Variants in ZMIZ1 observed in about 807,000 individuals in gnomAD.
The protein encoded by ZMIZ1 is zinc finger MIZ domain-containing protein 1.
A neutral mutation model predicts 113.9 loss-of-function variants in ZMIZ1; 17 were observed. The ratio of observed to expected loss-of-function variants is 0.15; its 90% CI spans 0.10 to 0.22. The LOEUF (loss-of-function observed/expected upper bound fraction) is 0.22. Ranked by LOEUF, ZMIZ1 falls within the 10% of genes least tolerant of loss-of-function variation. ZMIZ1 has a pLI of 1.00. For synonymous variants in ZMIZ1, 607 were observed against 603.1 expected (o/e 1.01, Z -0.09); for missense variants, 1,059 against 1,477.8 (o/e 0.72, Z 4.65).
chr10:79,253,014 G>T (rs924435141), intron 7 of ZMIZ1, among the ~76,000 whole-genome samples: 2 of 152,290 alleles, frequency 1.3e-5, no homozygotes, highest in Admixed American at 6.5e-5. Flanking sequence ...GCACTGTGGG[G>T]AAGGTGAAAA....
At chr10:79,254,615 G>A (rs1850762483) in intron 7 of ZMIZ1, among the ~76,000 whole-genome samples, 1 of 152,246 alleles carries the variant, frequency 6.6e-6, no homozygotes, top group South Asian at 2.1e-4. Context: ...CACCCCTCAG[G>A]CAGGTCTGGG....
chr10:79,223,822 C>T (rs966380631), intron 7 of ZMIZ1, among the ~76,000 whole-genome samples: 9 of 152,170 alleles, frequency 5.9e-5, no homozygotes, highest in Non-Finnish European at 1.2e-4. Context: ...CCCTGGCCTC[C>T]GTCCCCTCCC....
At chr10:79,277,395 T>C in intron 8 of ZMIZ1, 70 bp downstream of exon 8, 1 of 1,491,532 alleles carries the variant, frequency 6.7e-7, no homozygotes, top group Non-Finnish European at 8.9e-7. Context: ...TCCTTGGACA[T>C]GTCCCTGGGG....
chr10:79,274,883 G>A (rs1322660336), intron 7 of ZMIZ1, among the ~76,000 whole-genome samples: 2 of 152,216 alleles, frequency 1.3e-5, no homozygotes, highest in African/African-American at 4.8e-5. Flanking sequence ...TGACATTGGA[G>A]GAAAGCCCTG....
rs1212634505 is a variant in ZMIZ1, at chr10:79,314,516, G to A, written c.*1767G>A. ...CGTTGTCGAGGTTTTTTCAAATAGC[G>A]TGTTGTTCAGTATGCAAATCAATTA... On this transcript the variant is annotated 3_prime_UTR_variant, in exon 25 of 25. Coordinates refer to ENST00000334512, the MANE Select transcript of ZMIZ1 (RefSeq NM_020338.4). 1.2e-5 allele frequency: 4 copies of A among 324,346 alleles called. No homozygotes were observed. Among genetic ancestry groups the A allele is most frequent in the Admixed American group, 4.6e-5 (1 of 21,736 alleles). The allele number at this position is 324,346 out of a possible 1,614,324, so 20.1% of individuals were successfully genotyped here. A position where few individuals can be genotyped will look rare whatever the true frequency, so the allele number is the denominator to read the frequency against.
At chr10:79,232,171 C>A (rs1849420537) in intron 7 of ZMIZ1, among the ~76,000 whole-genome samples, 1 of 152,206 alleles carries the variant, frequency 6.6e-6, no homozygotes, top group Non-Finnish European at 1.5e-5. Context: ...TCGTTTGGTG[C>A]TGTCTGCGTT....
At chr10:79,120,466 G>T (rs1339673714) in intron 2 of ZMIZ1, among the ~76,000 whole-genome samples, 1 of 152,214 alleles carries the variant, frequency 6.6e-6, no homozygotes, top group Non-Finnish European at 1.5e-5. Flanking sequence ...AGCAGCTCCT[G>T]GGAGGCTCTG....
intron 7 of ZMIZ1, among the ~76,000 whole-genome samples, chr10:79,237,287 A>G (rs1564541620): frequency 6.6e-6 from 1 of 152,222 alleles, no homozygotes; most frequent in Admixed American, 6.5e-5. Flanking sequence ...AAGGACTTGC[A>G]TTTTACACCA....
intron 23 of ZMIZ1, among the ~76,000 whole-genome samples, chr10:79,308,545 G>T (rs933627644): frequency 1.3e-5 from 2 of 152,164 alleles, no homozygotes; most frequent in African/African-American, 4.8e-5. Context: ...ACAGGAAGGA[G>T]CCTCTGGATT....
intron 1 of ZMIZ1, among the ~76,000 whole-genome samples, chr10:79,073,226 C>T (rs1248644311): frequency 2.0e-5 from 3 of 152,192 alleles, no homozygotes; most frequent in African/African-American, 4.8e-5. Flanking sequence ...AGAACTCCTC[C>T]GATCCCACTT....
chr10:79,303,454 CAAAAAA>C (rs34154193), intron 18 of ZMIZ1, among the ~76,000 whole-genome samples: 41 of 65,928 alleles, frequency 6.2e-4, no homozygotes, highest in South Asian at 2.4e-3. Flanking sequence ...GACACTGCCA[CAAAAAA>C]AAAAAAAAAA....
At chr10:79,139,570 T>G (rs1314018081) in intron 2 of ZMIZ1, 112 bp from the exon 3 acceptor site, 2 of 397,156 alleles carry the variant, frequency 5.0e-6, no homozygotes. Context: ...TGTGCTTAAG[T>G]GACCCAAGAG....
At chr10:79,094,537 G>A (rs1383904376) in intron 1 of ZMIZ1, among the ~76,000 whole-genome samples, 1 of 152,206 alleles carries the variant, frequency 6.6e-6, no homozygotes, top group Non-Finnish European at 1.5e-5. Flanking sequence ...TGAGAATGAA[G>A]TGAGATGAAG....
chr10:79,168,609 T>G (rs1309246623), intron 4 of ZMIZ1, among the ~76,000 whole-genome samples: 1 of 152,194 alleles, frequency 6.6e-6, no homozygotes, highest in East Asian at 1.9e-4. Context: ...AGCATCCCAG[T>G]TGTTAATGTG....
chr10:79,238,545 G>C (rs1305524620), intron 7 of ZMIZ1, among the ~76,000 whole-genome samples: 2 of 152,204 alleles, frequency 1.3e-5, no homozygotes, highest in Admixed American at 1.3e-4. Flanking sequence ...AATGAAGCAA[G>C]AACTATTTCA....
chr10:79,179,316 C>T (rs1269485806), intron 4 of ZMIZ1, among the ~76,000 whole-genome samples: 1 of 152,182 alleles, frequency 6.6e-6, no homozygotes, highest in East Asian at 1.9e-4. Context: ...CTGTCTGGAT[C>T]CCTAGGGACT....
chr10:79,233,881 G>A (rs1023206536), intron 7 of ZMIZ1, among the ~76,000 whole-genome samples: 1 of 151,878 alleles, frequency 6.6e-6, no homozygotes, highest in Admixed American at 6.6e-5. Flanking sequence ...CACTTTGATC[G>A]GCATATGGAT....
chr10:79,180,192 G>A (rs542347442), intron 4 of ZMIZ1, among the ~76,000 whole-genome samples: 1 of 152,286 alleles, frequency 6.6e-6, no homozygotes, highest in South Asian at 2.1e-4. Context: ...CTCTCGAGAG[G>A]CATGAAGTGA....
intron 18 of ZMIZ1, 98 bp downstream of exon 18, chr10:79,302,310 C>T: frequency 1.6e-6 from 2 of 1,251,172 alleles, no homozygotes; most frequent in Non-Finnish European, 2.3e-6. Flanking sequence ...TGACCTTTGC[C>T]TCCGTGCATG....
Sources: allele counts gnomAD v4.1 joint callset (sites outside exome capture counted in the v4.1 genomes callset), GRCh38; gene constraint gnomAD v4.1.1; transcripts MANE v1.5; gene names NCBI Gene and HGNC (gene_info 2026-07-23, HGNC 2026-07-21).